MFHAS1: variants seen among roughly 807,000 people sequenced by gnomAD.
The protein encoded by MFHAS1 is malignant fibrous histiocytoma-amplified sequence 1.
Under a neutral mutation model 70.4 loss-of-function variants are expected in MFHAS1, and 50 were observed. The observed-to-expected ratio is 0.71, with a 90% confidence interval of 0.57 to 0.90. The LOEUF is 0.90. Ranked by LOEUF, MFHAS1 falls within the 40% of genes least tolerant of loss-of-function variation. MFHAS1 has a pLI of 0.00. For synonymous variants in MFHAS1, 952 were observed against 620.0 expected (o/e 1.54, Z -7.96); for missense variants, 1,795 against 1,347.6 (o/e 1.33, Z -5.20).
chr8:8,888,967 C>A (rs557492151), intron 1 of MFHAS1, among the ~76,000 whole-genome samples: 2 of 144,298 alleles, frequency 1.4e-5, no homozygotes, highest in South Asian at 4.3e-4. Context: ...TGGGAAATCT[C>A]TGTACCTTCT....
At chr8:8,878,296 T>C (rs1809374238) in intron 1 of MFHAS1, among the ~76,000 whole-genome samples, 1 of 152,190 alleles carries the variant, frequency 6.6e-6, no homozygotes, top group Non-Finnish European at 1.5e-5. Flanking sequence ...GGGGCTGATA[T>C]CCTAGAGTTC....
chr8:8,799,824 G>C (rs1052461432), intron 1 of MFHAS1, among the ~76,000 whole-genome samples: 1 of 152,212 alleles, frequency 6.6e-6, no homozygotes, highest in African/African-American at 2.4e-5. Context: ...CACACTGATA[G>C]CGCAGGCCCA....
intron 1 of MFHAS1, among the ~76,000 whole-genome samples, chr8:8,849,382 T>C (rs922694942): frequency 2.7e-4 from 41 of 152,126 alleles, no homozygotes; most frequent in African/African-American, 9.9e-4. Flanking sequence ...CACCCAGCCT[T>C]GTAGCAAGTA....
At chr8:8,814,836 C>T (rs1202485592) in intron 1 of MFHAS1, among the ~76,000 whole-genome samples, 1 of 147,194 alleles carries the variant, frequency 6.8e-6, no homozygotes, top group Non-Finnish European at 1.5e-5. Context: ...CTACTTCATG[C>T]CTGCTAGAAT....
chr8:8,888,257 G>A (rs1231477465), intron 1 of MFHAS1, among the ~76,000 whole-genome samples: 1 of 152,126 alleles, frequency 6.6e-6, no homozygotes, highest in Non-Finnish European at 1.5e-5. Context: ...TAGATCCAGG[G>A]CAACGGAAAG....
chr8:8,789,477 G>C (rs747138718), intron 2 of MFHAS1, among the ~76,000 whole-genome samples: 1 of 152,100 alleles, frequency 6.6e-6, no homozygotes, highest in Non-Finnish European at 1.5e-5. Flanking sequence ...GGTCCAGCCT[G>C]GGGGGCACCC....
intron 1 of MFHAS1, among the ~76,000 whole-genome samples, chr8:8,847,586 G>C (rs1196400485): frequency 2.0e-5 from 3 of 152,184 alleles, no homozygotes; most frequent in Admixed American, 6.5e-5. Context: ...AAGACAGCTG[G>C]TGGTTATATA....
chr8:8,810,777 G>C (rs1806516110), intron 1 of MFHAS1, among the ~76,000 whole-genome samples: 1 of 152,184 alleles, frequency 6.6e-6, no homozygotes, highest in African/African-American at 2.4e-5. Flanking sequence ...CATGGGAGGG[G>C]GCTGGTCAGT....
rs1319362131 is a variant in MFHAS1 at position 8,785,987 on chromosome 8, C to G, written c.*35G>C. On this transcript the variant is annotated 3_prime_UTR_variant, in exon 3 of 3. Coordinates refer to ENST00000276282, the MANE Select transcript of MFHAS1 (RefSeq NM_004225.3). ...AAGATGGTCCAGGTGTTCAGATGCT[C>G]TCTTTTCTCCATGGAAATTCCACAG... 3 of 1,612,682 alleles carry G rather than the reference C, an allele frequency of 1.9e-6. No homozygotes were observed. Among genetic ancestry groups the G allele is most frequent in the Non-Finnish European group, 2.5e-6 (3 of 1,178,750 alleles).
intron 1 of MFHAS1, among the ~76,000 whole-genome samples, chr8:8,800,036 C>A (rs1229079275): frequency 3.9e-5 from 6 of 152,230 alleles, no homozygotes; most frequent in Non-Finnish European, 7.3e-5. Flanking sequence ...TCTTTGCCCC[C>A]AGGCTAATGC....
intron 1 of MFHAS1, among the ~76,000 whole-genome samples, chr8:8,862,128 A>G (rs1808689474): frequency 6.6e-6 from 1 of 152,216 alleles, no homozygotes; most frequent in Admixed American, 6.5e-5. Context: ...CAAATGCTGT[A>G]TCATTTTCCA....
chr8:8,790,256 TA>T, intron 2 of MFHAS1: 1 of 439,934 alleles, frequency 2.3e-6, no homozygotes, highest in Non-Finnish European at 3.0e-6. Flanking sequence ...ATATCCCCCC[TA>T]ATCTCTCTGA....
intron 1 of MFHAS1, among the ~76,000 whole-genome samples, chr8:8,882,534 C>T (rs1809568223): frequency 6.6e-6 from 1 of 152,124 alleles, no homozygotes; most frequent in African/African-American, 2.4e-5. Flanking sequence ...ATCACTTGAA[C>T]CCGGGAAGCA....
intron 1 of MFHAS1, among the ~76,000 whole-genome samples, chr8:8,885,280 A>T (rs1191571142): frequency 6.7e-6 from 1 of 148,946 alleles, no homozygotes; most frequent in African/African-American, 2.5e-5. Flanking sequence ...CTGTCTACTG[A>T]TTTGGGTTGC....
chr8:8,804,160 T>C (rs1356260921), intron 1 of MFHAS1, among the ~76,000 whole-genome samples: 2 of 152,118 alleles, frequency 1.3e-5, no homozygotes, highest in Admixed American at 6.5e-5. Context: ...CACTTGATAA[T>C]TGAATATATC....
At position 8,892,491 on chromosome 8, in the gene MFHAS1, G is replaced by C; in HGVS notation, c.568C>G (p.His190Asp). 2 of 1,605,816 alleles carry C rather than the reference G, an allele frequency of 1.2e-6. No individual in the cohort carries two copies. The highest frequency in any genetic ancestry group is 1.1e-5 in the South Asian group (1 of 90,032). Residue 190 changes from histidine to aspartate, a missense_variant, in exon 1 of 3, where the codon CAC (histidine) becomes GAC (aspartate). Transcript: ENST00000276282. This position sits in a 1 kb window ranked among gnomAD's most constrained non-coding sequence, Gnocchi z 4.7. ...CGGGGGAAGGCAGTGAGCTGGTTGTGATCCACGTCCAGGGTGCGCAGGCGG... is the reference window on the plus strand; with the variant it reads ...CGGGGGAAGGCAGTGAGCTGGTTGTCATCCACGTCCAGGGTGCGCAGGCGG... ...LSRLRTLDVD[H>D]NQLTAFPRQL...
chr8:8,803,521 A>G (rs1307284074), intron 1 of MFHAS1, among the ~76,000 whole-genome samples: 1 of 151,682 alleles, frequency 6.6e-6, no homozygotes, highest in Non-Finnish European at 1.5e-5. Flanking sequence ...TGTCTCAAAA[A>G]AAAAAAAAAA....
chr8:8,846,908 T>G (rs1808057934), intron 1 of MFHAS1, among the ~76,000 whole-genome samples: 2 of 152,170 alleles, frequency 1.3e-5, no homozygotes, highest in South Asian at 4.1e-4. Context: ...TACGATGACC[T>G]TTGATACACT....
In MFHAS1 at chr8:8,892,895, T is replaced by TG. The variant is rs753045551; in HGVS notation, c.163dup (p.Gln55ProfsTer12). On this transcript the variant is annotated frameshift_variant, in exon 1 of 3. Coordinates refer to ENST00000276282, the MANE Select transcript of MFHAS1 (RefSeq NM_004225.3). LOFTEE classifies it high-confidence loss of function. The surrounding 1 kb of genome is among the most constrained non-coding windows in gnomAD (Gnocchi z 4.7). ...CCCGAGGTTGGCCGGCAGCACGAGC[T>TG]GGGGGGAGGCGGGGGACTCGAGCGC... 2 of 1,577,188 alleles carry TG rather than the reference T, an allele frequency of 1.3e-6. No homozygotes were observed. The highest frequency in any genetic ancestry group is 1.8e-5 in the Admixed American group (1 of 55,020).
Sources: gnomAD v4.1 joint callset for allele counts (sites outside exome capture counted in the v4.1 genomes callset) on GRCh38, gnomAD v4.1.1 for gene constraint, Gnocchi (gnomAD v3.1) non-coding constraint, MANE v1.5 for transcripts, NCBI Gene and HGNC (gene_info 2026-07-23, HGNC 2026-07-21) for gene names.